GNB1: variants seen among roughly 807,000 people sequenced by gnomAD.
GNB1 encodes guanine nucleotide-binding protein G(I)/G(S)/G(T) subunit beta-1.
A neutral mutation model predicts 42.9 loss-of-function variants in GNB1; 2 were observed. That is an observed-to-expected ratio of 0.05 (90% confidence interval 0.02 to 0.15). The LOEUF is 0.15. GNB1 is among the 10% of genes least tolerant of loss of function. The pLI, the probability that GNB1 is intolerant of heterozygous loss-of-function variation, is 1.00. For synonymous variants in GNB1, 183 were observed against 174.7 expected, an observed-to-expected ratio of 1.05 and a Z score of -0.38; for missense variants, 193 against 462.2, an observed-to-expected ratio of 0.42 and a Z score of 5.34.
At chr1:1,805,833 C>A (rs1048347329) in intron 6 of GNB1, among the ~76,000 whole-genome samples, 2 of 151,998 alleles carry the variant, frequency 1.3e-5, no homozygotes, top group African/African-American at 2.4e-5. Flanking sequence ...TGAGCCACGG[C>A]GCCCAGCCGA....
At chr1:1,788,883 T>C (rs959066003) in intron 10 of GNB1, 170 bp downstream of exon 10, 1 of 591,684 alleles carries the variant, frequency 1.7e-6, no homozygotes, top group Non-Finnish European at 3.0e-6. Flanking sequence ...CGGAGTCCAC[T>C]TGCCTGGAGG....
intron 2 of GNB1, among the ~76,000 whole-genome samples, chr1:1,828,702 T>C (rs570734668): frequency 2.0e-5 from 3 of 152,324 alleles, no homozygotes; most frequent in African/African-American, 7.2e-5. Context: ...GTGCCAACAT[T>C]TGAGTTTCAA....
rs920772995 is a variant in GNB1, at chr1:1,815,566, C to A, written c.203+190G>T. 2.6e-5 allele frequency among the ~76,000 whole-genome samples: 4 copies of A among 152,154 alleles called. 1 individual carries two copies. The highest frequency in any genetic ancestry group is 6.3e-3 in the Middle Eastern group (2 of 316). On this transcript the variant is annotated intron_variant, in intron 5 of 11. Coordinates refer to ENST00000378609, the MANE Select transcript of GNB1 (RefSeq NM_002074.5). Reference sequence around the variant, plus strand: ...GAAGAAATGGCAGTGTTCTTTCAGCCCAGGTAAGTGGAAAACTGGACAGGG... The same window carrying A: ...GAAGAAATGGCAGTGTTCTTTCAGCACAGGTAAGTGGAAAACTGGACAGGG...
chr1:1,823,320 A>G (rs140943857), intron 3 of GNB1, among the ~76,000 whole-genome samples: 1 of 151,732 alleles, frequency 6.6e-6, no homozygotes, highest in African/African-American at 2.4e-5. Context: ...TAAAGAGCTG[A>G]GAGTGTTCTG....
chr1:1,787,578 T>C lies in GNB1; in HGVS notation c.917-141A>G. The C allele has an allele frequency of 7.1e-6, 4 of 566,330 alleles. No individual in the cohort carries two copies. Among genetic ancestry groups the C allele is most frequent in the South Asian group, 6.7e-5 (3 of 44,544 alleles). 35.1% of individuals were successfully genotyped at this position (566,330 alleles called of 1,614,324 possible). On this transcript the variant is annotated intron_variant, in intron 10 of 11. Coordinates refer to ENST00000378609, the MANE Select transcript of GNB1 (RefSeq NM_002074.5). The surrounding 1 kb of genome is among the most constrained non-coding windows in gnomAD (Gnocchi z 4.4). ...CCCACGGCCAGGAAGGGAGGGAAAG[T>C]TGCATCCACGTGGGGAATTAACCTG...
At chr1:1,850,333 T>C (rs1421598653) in intron 1 of GNB1, among the ~76,000 whole-genome samples, 1 of 151,984 alleles carries the variant, frequency 6.6e-6, no homozygotes, top group Non-Finnish European at 1.5e-5. Flanking sequence ...GGTTTCTCCA[T>C]GTTGGTCAGG....
intron 2 of GNB1, among the ~76,000 whole-genome samples, chr1:1,825,782 G>T (rs2144688): frequency 6.6e-6 from 1 of 151,424 alleles, no homozygotes; most frequent in Non-Finnish European, 1.5e-5. Context: ...GGAGAATGGC[G>T]TGAACCTGGG....
chr1:1,829,451 C>T (rs1647046139), intron 2 of GNB1, among the ~76,000 whole-genome samples: 1 of 152,170 alleles, frequency 6.6e-6, no homozygotes, highest in South Asian at 2.1e-4. Flanking sequence ...GCACCAGACA[C>T]CCTGTACAGG....
At chr1:1,837,704 G>A (rs1647171699) in intron 2 of GNB1, among the ~76,000 whole-genome samples, 1 of 151,600 alleles carries the variant, frequency 6.6e-6, no homozygotes, top group Admixed American at 6.6e-5. Flanking sequence ...GACTACAGGG[G>A]CGTGCCACCA....
At chr1:1,815,635 G>T in intron 5 of GNB1, 121 bp downstream of exon 5, 1 of 625,916 alleles carries the variant, frequency 1.6e-6, no homozygotes, top group South Asian at 1.9e-5. Context: ...CCAGAGTTCT[G>T]ATTCAACTTC....
chr1:1,877,842 T>C (rs1194388476), intron 1 of GNB1, among the ~76,000 whole-genome samples: 2 of 152,136 alleles, frequency 1.3e-5, no homozygotes, highest in Non-Finnish European at 2.9e-5. Flanking sequence ...AACTGGGTGT[T>C]GAGTTACATA....
intron 1 of GNB1, among the ~76,000 whole-genome samples, chr1:1,881,937 A>G (rs2101893007): frequency 6.6e-6 from 1 of 152,100 alleles, no homozygotes; most frequent in African/African-American, 2.4e-5. Flanking sequence ...CCTCCCCTCC[A>G]TCCCCACCTG....
At chr1:1,870,104 G>A (rs1490060759) in intron 1 of GNB1, among the ~76,000 whole-genome samples, 1 of 151,990 alleles carries the variant, frequency 6.6e-6, no homozygotes, top group Non-Finnish European at 1.5e-5. Flanking sequence ...CAAGTGATCT[G>A]CCCGCCATGG....
intron 7 of GNB1, chr1:1,794,066 G>A (rs1048073767): frequency 3.9e-5 from 6 of 152,238 alleles, no homozygotes; most frequent in African/African-American, 9.7e-5. Context: ...CCACATCAGC[G>A]TGGGCACAAT....
intron 10 of GNB1, chr1:1,788,028 CAAA>C (rs1195576405): frequency 2.8e-5 from 2 of 72,288 alleles, no homozygotes; most frequent in African/African-American, 5.0e-5. Context: ...GACTCCATCT[CAAA>C]AAAAAAAAAA....
chr1:1,789,243 G>A lies in GNB1; in HGVS notation c.726C>T (p.Ala242=), dbSNP rs746605990. The A allele has an allele frequency of 6.8e-6, 11 of 1,608,736 alleles. No individual in the cohort carries two copies. In the South Asian group the frequency reaches 1.2e-4, roughly 18 times the overall value. ...TGCAGGTGGCGTCGTCTGAGCCAGT[G>A]GCAAATGCATTGCCATTTGGAAAGA... ...ICFFPNGNAF[A]TGSDDATCRL... is the part of the protein sequence containing the mutation. The change falls in exon 10 of 12, where the codon GCC becomes GCT. Residue 242 remains alanine (A), a synonymous_variant. Transcript: ENST00000378609.
At chr1:1,875,403 G>A (rs1404055298) in intron 1 of GNB1, among the ~76,000 whole-genome samples, 2 of 152,170 alleles carry the variant, frequency 1.3e-5, no homozygotes, top group Admixed American at 1.3e-4. Flanking sequence ...ATGTTGGTCA[G>A]GCTGGTCTCA....
chr1:1,863,797 T>A (rs1358566264), intron 1 of GNB1, among the ~76,000 whole-genome samples: 1 of 152,156 alleles, frequency 6.6e-6, no homozygotes, highest in Non-Finnish European at 1.5e-5. Context: ...AAGCACTGAA[T>A]CCCCACTCTC....
intron 1 of GNB1, among the ~76,000 whole-genome samples, chr1:1,873,112 C>A (rs192313916): frequency 1.3e-5 from 2 of 151,794 alleles, no homozygotes; most frequent in South Asian, 2.1e-4. Context: ...GTTGTCCAGG[C>A]TGGTTTCAAA....
Sources: allele counts gnomAD v4.1 joint callset (sites outside exome capture counted in the v4.1 genomes callset), GRCh38; gene constraint gnomAD v4.1.1; non-coding constraint Gnocchi (gnomAD v3.1); transcripts MANE v1.5; gene names NCBI Gene and HGNC (gene_info 2026-07-23, HGNC 2026-07-21).